ZNRF3: variants seen among roughly 807,000 people sequenced by gnomAD.
The protein encoded by ZNRF3 is E3 ubiquitin-protein ligase ZNRF3.
Under a neutral mutation model 72.5 loss-of-function variants are expected in ZNRF3, and 23 were observed. The observed-to-expected ratio is 0.32, with a 90% CI of 0.23 to 0.45. The LOEUF is 0.45. Ranked by LOEUF, ZNRF3 falls within the 20% of genes least tolerant of loss-of-function variation. ZNRF3 has a pLI of 1.00. For missense variants in ZNRF3, 1,169 were observed against 1,272.1 expected (o/e 0.92, Z 1.23); for synonymous variants, 610 against 545.3 (o/e 1.12, Z -1.65).
intron 2 of ZNRF3, among the ~76,000 whole-genome samples, chr22:28,996,134 T>C (rs2036042530): frequency 6.6e-6 from 1 of 152,226 alleles, no homozygotes; most frequent in Non-Finnish European, 1.5e-5. Flanking sequence ...AGGCAGGGTC[T>C]TACTATGTTG....
chr22:28,885,590 TAAA>T (rs34201242), intron 1 of ZNRF3, among the ~76,000 whole-genome samples: 57 of 102,742 alleles, frequency 5.5e-4, no homozygotes, highest in African/African-American at 1.3e-3. Flanking sequence ...TACAGCCTTC[TAAA>T]AAAAAAAAAA....
chr22:29,039,900 A>G (rs2036929844), intron 2 of ZNRF3, among the ~76,000 whole-genome samples: 1 of 151,930 alleles, frequency 6.6e-6, no homozygotes, highest in Non-Finnish European at 1.5e-5. Context: ...TTGAGGCTGC[A>G]GTGAGCTATG....
At chr22:28,934,281 G>C (rs977796325) in intron 1 of ZNRF3, among the ~76,000 whole-genome samples, 1 of 152,102 alleles carries the variant, frequency 6.6e-6, no homozygotes, top group African/African-American at 2.4e-5. Flanking sequence ...GTTTCTCTCT[G>C]CCTCTTATTT....
intron 2 of ZNRF3, among the ~76,000 whole-genome samples, chr22:29,016,617 TG>T (rs1209225025): frequency 6.6e-6 from 1 of 152,260 alleles, no homozygotes; most frequent in Middle Eastern, 3.2e-3. Context: ...TTCCTTAATA[TG>T]TGCATGACCT....
At chr22:28,947,643 T>C (rs1170181156) in intron 1 of ZNRF3, among the ~76,000 whole-genome samples, 1 of 152,220 alleles carries the variant, frequency 6.6e-6, no homozygotes, top group Admixed American at 6.5e-5. Flanking sequence ...CATGTACTTA[T>C]TGGCCATTCA....
Position 28,938,255 on chromosome 22 carries a change from C to CT in ZNRF3, c.301-48811dup, listed in dbSNP as rs879930720. Among the ~76,000 whole-genome samples the CT allele has an allele frequency of 8.4e-4, 123 of 146,472 alleles. 1 individual carries two copies. In the Middle Eastern group the frequency reaches 0.014, roughly 16 times the overall value. ...TTTTCATTTAAATATGTCTTGAAAG[C>CT]TTTTTTTTTTCAGTATACCTAGATC... is the stretch of plus-strand genomic sequence containing the variant. On this transcript the variant is annotated intron_variant, in intron 1 of 8. Coordinates refer to ENST00000544604, the MANE Select transcript of ZNRF3 (RefSeq NM_001206998.2).
chr22:28,913,948 C>T (rs937274371), intron 1 of ZNRF3, among the ~76,000 whole-genome samples: 1 of 152,150 alleles, frequency 6.6e-6, no homozygotes, highest in African/African-American at 2.4e-5. Flanking sequence ...AATGCCTCTT[C>T]GTTTGCCCCG....
Position 29,057,434 on chromosome 22 carries a change from A to G in ZNRF3, c.*3812A>G, listed in dbSNP as rs1169321147. Reference sequence around the variant, plus strand: ...AGTTGTAGTCTTCTATGGTTTTGTAACAAATTGTACACATGACTGTAAAAA... The same window carrying G: ...AGTTGTAGTCTTCTATGGTTTTGTAGCAAATTGTACACATGACTGTAAAAA... On this transcript the variant is annotated 3_prime_UTR_variant, in exon 9 of 9. Coordinates refer to ENST00000544604, the MANE Select transcript of ZNRF3 (RefSeq NM_001206998.2). The G allele has an allele frequency of 6.8e-6, 1 of 146,940 alleles. No individual in the cohort carries two copies. The highest frequency in any genetic ancestry group is 1.5e-5 in the Non-Finnish European group (1 of 67,082). 9.1% of individuals were successfully genotyped at this position (146,940 alleles called of 1,614,324 possible).
intron 2 of ZNRF3, among the ~76,000 whole-genome samples, chr22:29,005,649 C>T (rs1454094665): frequency 6.6e-6 from 1 of 152,156 alleles, no homozygotes; most frequent in Non-Finnish European, 1.5e-5. Context: ...TGAGCAGTTG[C>T]CCACCAGGCT....
At chr22:28,931,833 TG>T (rs2034712908) in intron 1 of ZNRF3, among the ~76,000 whole-genome samples, 1 of 152,264 alleles carries the variant, frequency 6.6e-6, no homozygotes, top group South Asian at 2.1e-4. Flanking sequence ...CCAGTTCCAC[TG>T]GGCTAGACAT....
chr22:28,943,630 CT>C (rs938380940), intron 1 of ZNRF3, among the ~76,000 whole-genome samples: 5 of 151,966 alleles, frequency 3.3e-5, no homozygotes, highest in Non-Finnish European at 7.4e-5. Context: ...GTTACTGAAG[CT>C]ACTTGATTTA....
At chr22:28,925,697 T>A (rs1052210931) in intron 1 of ZNRF3, among the ~76,000 whole-genome samples, 5 of 152,162 alleles carry the variant, frequency 3.3e-5, no homozygotes, top group African/African-American at 1.2e-4. Context: ...TCTGTGCATG[T>A]GATGGGGTTT....
intron 2 of ZNRF3, among the ~76,000 whole-genome samples, chr22:29,006,380 C>T (rs1225250526): frequency 1.3e-5 from 2 of 151,990 alleles, no homozygotes; most frequent in Non-Finnish European, 1.5e-5. Flanking sequence ...CGCCTGGCTA[C>T]TTTTGTATTT....
intron 1 of ZNRF3, among the ~76,000 whole-genome samples, chr22:28,977,553 A>G (rs1039495118): frequency 6.6e-6 from 1 of 152,172 alleles, no homozygotes; most frequent in Non-Finnish European, 1.5e-5. Context: ...GACTGATGTG[A>G]GACTCTGTAC....
At chr22:29,027,358 C>T (rs1045691996) in intron 2 of ZNRF3, among the ~76,000 whole-genome samples, 3 of 152,126 alleles carry the variant, frequency 2.0e-5, no homozygotes, top group Non-Finnish European at 4.4e-5. Context: ...AAGTGATTCT[C>T]CTGCCTCAGC....
chr22:29,017,303 C>T (rs775749766), intron 2 of ZNRF3, among the ~76,000 whole-genome samples: 3 of 152,130 alleles, frequency 2.0e-5, no homozygotes, highest in Non-Finnish European at 4.4e-5. Flanking sequence ...AGAAGTTGCC[C>T]CCATCAGGCA....
chr22:28,999,526 A>C (rs148857396), intron 2 of ZNRF3, among the ~76,000 whole-genome samples: 198 of 152,310 alleles, frequency 1.3e-3, no homozygotes, highest in African/African-American at 4.6e-3. Flanking sequence ...ATTTTGAAGG[A>C]TAGAGGAAGT....
At chr22:28,966,423 T>C (rs1011849244) in intron 1 of ZNRF3, among the ~76,000 whole-genome samples, 1 of 152,150 alleles carries the variant, frequency 6.6e-6, no homozygotes, top group African/African-American at 2.4e-5. Flanking sequence ...AGAAGTTAGC[T>C]GTAAAATAGT....
At chr22:28,916,566 G>A (rs1438693507) in intron 1 of ZNRF3, among the ~76,000 whole-genome samples, 1 of 152,106 alleles carries the variant, frequency 6.6e-6, no homozygotes, top group Non-Finnish European at 1.5e-5. Flanking sequence ...AAGCTCATAT[G>A]TTTTGTTCTT....
Sources: gnomAD v4.1 joint callset for allele counts (sites outside exome capture counted in the v4.1 genomes callset) on GRCh38, gnomAD v4.1.1 for gene constraint, MANE v1.5 for transcripts, NCBI Gene and HGNC (gene_info 2026-07-23, HGNC 2026-07-21) for gene names.